The following GALNT2 variants were observed in gnomAD, a reference collection of about 807,000 sequenced individuals.
GALNT2 encodes UDP-GalNAc:polypeptide N-acetylgalactosaminyltransferase 2.
GALNT2 carries 31 observed loss-of-function variants against 81.4 expected under a neutral mutation model. That is an observed-to-expected ratio of 0.38 (90% confidence interval 0.29 to 0.51). The LOEUF (loss-of-function observed/expected upper bound fraction) is 0.51, where lower values mean the gene tolerates loss of function less well. GALNT2 is among the 20% of genes least tolerant of loss of function. The pLI, the probability that GALNT2 is intolerant of heterozygous loss-of-function variation, is 0.87. For synonymous variants in GALNT2, 303 were observed against 287.4 expected (o/e 1.05, Z -0.55); for missense variants, 629 against 765.7 (o/e 0.82, Z 2.11).
At chr1:230,075,121 C>CTTTTT (rs34482749) in intron 1 of GALNT2, among the ~76,000 whole-genome samples, 1,087 of 92,488 alleles carry the variant, frequency 0.012, 7 homozygotes, top group African/African-American at 0.025. Context: ...GTCTGTTTTG[C>CTTTTT]TTTTTTTTTT....
At chr1:230,071,617 C>G (rs1659377408) in intron 1 of GALNT2, among the ~76,000 whole-genome samples, 1 of 152,046 alleles carries the variant, frequency 6.6e-6, no homozygotes, top group East Asian at 1.9e-4. Context: ...TTAATGGGTG[C>G]CAAAAATCTG....
chr1:230,168,837 G>GT (rs1174855954), intron 1 of GALNT2, among the ~76,000 whole-genome samples: 1 of 152,148 alleles, frequency 6.6e-6, no homozygotes, highest in East Asian at 1.9e-4. Context: ...GTATTGATAT[G>GT]TTATTAACTA....
At chr1:230,082,317 T>G (rs1354053591) in intron 1 of GALNT2, among the ~76,000 whole-genome samples, 2 of 152,256 alleles carry the variant, frequency 1.3e-5, no homozygotes, top group African/African-American at 4.8e-5. Flanking sequence ...GCTGTGTAAG[T>G]TTCCAGGGGC....
At chr1:230,252,459 C>T (rs1665576119) in intron 10 of GALNT2, among the ~76,000 whole-genome samples, 1 of 152,188 alleles carries the variant, frequency 6.6e-6, no homozygotes, top group Non-Finnish European at 1.5e-5. Context: ...TGTTTCTCTA[C>T]ATCCCTGTCA....
chr1:230,229,694 C>T lies in GALNT2; in HGVS notation c.375-6320C>T, dbSNP rs1664815108. Reference sequence around the variant, plus strand: ...AAGGGATGACGTGTGGTGTGTTCCTCCCTACAATGGAAAGCAGTGTAGCAG... The same window carrying T: ...AAGGGATGACGTGTGGTGTGTTCCTTCCTACAATGGAAAGCAGTGTAGCAG... On this transcript the variant is annotated intron_variant, in intron 3 of 15. Coordinates refer to ENST00000366672, the MANE Select transcript of GALNT2 (RefSeq NM_004481.5). Among the ~76,000 whole-genome samples the T allele has an allele frequency of 2.6e-5, 4 of 152,174 alleles. No individual in the cohort carries two copies. In the South Asian group the frequency reaches 8.3e-4, roughly 32 times the overall value.
chr1:230,180,276 G>GT (rs1663115605), intron 2 of GALNT2, among the ~76,000 whole-genome samples: 2 of 138,466 alleles, frequency 1.4e-5, no homozygotes, highest in African/African-American at 5.4e-5. Flanking sequence ...TGTGAAAAGT[G>GT]TAAGAGCTGT....
chr1:230,067,783 C>A (rs945337727), intron 1 of GALNT2, among the ~76,000 whole-genome samples: 8 of 152,184 alleles, frequency 5.3e-5, no homozygotes, highest in Admixed American at 5.2e-4. Context: ...GAGGCGACCG[C>A]TTTTCCAACG....
intron 3 of GALNT2, among the ~76,000 whole-genome samples, chr1:230,213,500 T>A (rs1664295083): frequency 6.6e-6 from 1 of 152,248 alleles, no homozygotes; most frequent in African/African-American, 2.4e-5. Context: ...GCTTTCACTT[T>A]CAAACTTTTT....
intron 3 of GALNT2, among the ~76,000 whole-genome samples, chr1:230,208,743 A>G (rs868428246): frequency 3.0e-4 from 46 of 152,350 alleles, no homozygotes; most frequent in Middle Eastern, 6.8e-3. Flanking sequence ...ATCAGGAGAT[A>G]TAATTTTATG....
At chr1:230,090,210 T>A (rs577410581) in intron 1 of GALNT2, among the ~76,000 whole-genome samples, 60 of 152,302 alleles carry the variant, frequency 3.9e-4, no homozygotes, top group African/African-American at 1.4e-3. Flanking sequence ...CAAGGAAAAA[T>A]AATCCCAGGC....
intron 1 of GALNT2, among the ~76,000 whole-genome samples, chr1:230,164,524 T>TG (rs57544102): frequency 2.5e-3 from 10 of 3,942 alleles, no homozygotes; most frequent in East Asian, 0.029. Flanking sequence ...GACAGCACGG[T>TG]CTCTGGGCCC....
At chr1:230,124,094 A>G (rs1342539556) in intron 1 of GALNT2, among the ~76,000 whole-genome samples, 1 of 152,244 alleles carries the variant, frequency 6.6e-6, no homozygotes, top group Admixed American at 6.5e-5. Context: ...TAAACCAGTC[A>G]CGTGCCTGGC....
At chr1:230,077,370 C>CCTGTGTCTGGAATACAACTTT (rs1230042442) in intron 1 of GALNT2, among the ~76,000 whole-genome samples, 1 of 152,204 alleles carries the variant, frequency 6.6e-6, no homozygotes, top group East Asian at 1.9e-4. Context: ...ACTAATTTCC[C>CCTGTGTCTGGAATACAACTTT]CTGTGTCTGG....
chr1:230,123,107 C>T (rs1224958293), intron 1 of GALNT2, among the ~76,000 whole-genome samples: 2 of 152,162 alleles, frequency 1.3e-5, no homozygotes, highest in African/African-American at 2.4e-5. Context: ...TTATTTTCAG[C>T]GTTCAGAACA....
chr1:230,190,753 G>A (rs981010750), intron 2 of GALNT2, among the ~76,000 whole-genome samples: 4 of 152,042 alleles, frequency 2.6e-5, no homozygotes, highest in Non-Finnish European at 5.9e-5. Flanking sequence ...CTGCTTGGGC[G>A]ATATATCGGG....
rs116540865 is a variant in GALNT2, at chr1:230,137,901, C to A, written c.127-40317C>A. Among the ~76,000 whole-genome samples the A allele has an allele frequency of 4.8e-3, 734 of 152,308 alleles. 6 individuals carry two copies. Among genetic ancestry groups the A allele is most frequent in the African/African-American group, 0.017 (691 of 41,570 alleles). ...TTGGAAATAGAGATTTCCTTCAAGT[C>A]TTTAAACAGCATTATTATCGTTTCC... On this transcript the variant is annotated intron_variant, in intron 1 of 15. Coordinates refer to ENST00000366672, the MANE Select transcript of GALNT2 (RefSeq NM_004481.5).
At chr1:230,218,447 A>T (rs563985172) in intron 3 of GALNT2, among the ~76,000 whole-genome samples, 4 of 152,216 alleles carry the variant, frequency 2.6e-5, no homozygotes, top group Non-Finnish European at 5.9e-5. Flanking sequence ...GTTAAGGGTG[A>T]TGATAATACT....
chr1:230,221,129 AC>A (rs1443945371), intron 3 of GALNT2, among the ~76,000 whole-genome samples: 3 of 152,220 alleles, frequency 2.0e-5, no homozygotes, highest in Non-Finnish European at 4.4e-5. Context: ...TTCTATAAAT[AC>A]AATGACAGTA....
At chr1:230,226,623 C>T (rs1309737574) in intron 3 of GALNT2, among the ~76,000 whole-genome samples, 1 of 152,176 alleles carries the variant, frequency 6.6e-6, no homozygotes, top group Non-Finnish European at 1.5e-5. Context: ...TCCATCTTTC[C>T]GAACACATGC....
Sources: allele counts gnomAD v4.1 joint callset (sites outside exome capture counted in the v4.1 genomes callset), GRCh38; gene constraint gnomAD v4.1.1; transcripts MANE v1.5; gene names NCBI Gene and HGNC (gene_info 2026-07-23, HGNC 2026-07-21).